The following ELFN2 variants were observed in gnomAD, a reference collection of about 807,000 sequenced individuals.
The protein encoded by ELFN2 is protein phosphatase 1 regulatory subunit 29.
A neutral mutation model predicts 45.5 loss-of-function variants in ELFN2; 17 were observed. The observed-to-expected ratio is 0.37, with a 90% CI of 0.26 to 0.56. The LOEUF (loss-of-function observed/expected upper bound fraction) is 0.56. Among genes scored for constraint, ELFN2 ranks in the 20% least tolerant of loss-of-function variants. ELFN2 has a pLI of 0.77. For synonymous variants in ELFN2, 550 were observed against 551.5 expected (o/e 1.00, Z 0.04); for missense variants, 922 against 1,183.2 (o/e 0.78, Z 3.24).
At chr22:37,406,294 G>A (rs1569141614) in intron 2 of ELFN2, among the ~76,000 whole-genome samples, 2 of 152,222 alleles carry the variant, frequency 1.3e-5, no homozygotes, top group South Asian at 2.1e-4. Context: ...AGTTACGATC[G>A]GTGATTGGAT....
downstream of ELFN2, among the ~76,000 whole-genome samples, chr22:37,366,287 A>G (rs1028944047): frequency 6.6e-6 from 1 of 152,230 alleles, no homozygotes; most frequent in Non-Finnish European, 1.5e-5. Flanking sequence ...TTGTAACATT[A>G]GGGAATAAAA....
At chr22:37,421,598 AGGGGCTCCTCTCT>A in intron 1 of ELFN2, among the ~76,000 whole-genome samples, 1 of 152,270 alleles carries the variant, frequency 6.6e-6, no homozygotes, top group Admixed American at 6.5e-5. Context: ...TCTGCCAGGC[AGGGGCTCCTCTCT>A]GGGGGTTCCT....
At chr22:37,412,277 C>CAAA (rs56073200) in intron 2 of ELFN2, among the ~76,000 whole-genome samples, 2 of 92,284 alleles carry the variant, frequency 2.2e-5, no homozygotes, top group Non-Finnish European at 4.3e-5. Context: ...AACTCCGTCT[C>CAAA]AAAAAAAAAA....
rs999715117 is a variant in ELFN2 at position 37,417,306 on chromosome 22, G to A, written c.-463+463C>T. Among the ~76,000 whole-genome samples the A allele has an allele frequency of 5.9e-5, 9 of 152,216 alleles. No homozygotes were observed. The highest frequency in any genetic ancestry group is 1.3e-4 in the Admixed American group (2 of 15,288). ...TCTGCTGGCGTTTTCCCCTGCTCCCGGCTCACTTCCAGCCTCTCTCTCTAC... is the reference window on the plus strand; with the variant it reads ...TCTGCTGGCGTTTTCCCCTGCTCCCAGCTCACTTCCAGCCTCTCTCTCTAC... On this transcript the variant is annotated intron_variant, in intron 2 of 2. Coordinates refer to ENST00000402918, the MANE Select transcript of ELFN2 (RefSeq NM_052906.5). This position sits in a 1 kb window ranked among gnomAD's most constrained non-coding sequence, Gnocchi z 4.5.
chr22:37,357,958 A>T (rs774061384), intron 1 of ELFN2, among the ~76,000 whole-genome samples: 1 of 152,060 alleles, frequency 6.6e-6, no homozygotes, highest in Non-Finnish European at 1.5e-5. Flanking sequence ...CCCACAGCCA[A>T]CCTTCTCTTT....
chr22:37,374,971 G>A lies in ELFN2; in HGVS notation c.564C>T (p.Asn188=). The A allele has an allele frequency of 6.2e-7, 1 of 1,613,372 alleles. No individual in the cohort carries two copies. The highest frequency in any genetic ancestry group is 8.5e-7 in the Non-Finnish European group (1 of 1,180,034). ...MVCELAGNPF[N]CECDLFGFLA... ...GGAAGCCGAAGAGGTCGCACTCACA[G>A]TTGAAGGGGTTGCCGGCCAGCTCAC... The change falls in exon 3 of 3, where the codon AAC becomes AAT. Residue 188 remains asparagine, a synonymous_variant. Transcript: ENST00000402918.
chr22:37,352,319 T>A (rs909443527), intron 1 of ELFN2: 4 of 150,846 alleles, frequency 2.7e-5, no homozygotes, highest in African/African-American at 2.4e-5. Context: ...ATCCCAGAGG[T>A]GACTCCAGCA....
chr22:37,364,556 G>A (rs111739498), downstream of ELFN2, among the ~76,000 whole-genome samples: 196 of 152,254 alleles, frequency 1.3e-3, 1 homozygote, highest in African/African-American at 4.5e-3. Flanking sequence ...AACTCCCATG[G>A]AGGCAGGAAG....
chr22:37,403,758 A>T (rs915213489), intron 2 of ELFN2, among the ~76,000 whole-genome samples: 1 of 152,258 alleles, frequency 6.6e-6, no homozygotes, highest in Non-Finnish European at 1.5e-5. Flanking sequence ...GGTCTCACAC[A>T]GCCAGCCATC....
In ELFN2 at chr22:37,372,809, G is replaced by A; in HGVS notation, c.*263C>T. ...CCCAGCAGAGTCCCTGGGCAGCACA[G>A]TAAAGACGACTGGTTTCGGTATCAG... On this transcript the variant is annotated 3_prime_UTR_variant, in exon 3 of 3. Transcript: ENST00000402918. The surrounding 1 kb of genome is among the most constrained non-coding windows in gnomAD (Gnocchi z 4.4). 1 of 408,796 alleles carries A rather than the reference G, an allele frequency of 2.4e-6. No homozygotes were observed. The highest frequency in any genetic ancestry group is 4.5e-6 in the Non-Finnish European group (1 of 224,506). The allele number at this position is 408,796 out of a possible 1,614,324, so 25.3% of individuals were successfully genotyped here. A position where few individuals can be genotyped will look rare whatever the true frequency, so the allele number is the denominator to read the frequency against.
At chr22:37,359,600 C>G (rs1931032112) in intron 1 of ELFN2, among the ~76,000 whole-genome samples, 1 of 152,240 alleles carries the variant, frequency 6.6e-6, no homozygotes. Context: ...GGCTTCCGTG[C>G]CTCGATACAG....
intron 2 of ELFN2, among the ~76,000 whole-genome samples, chr22:37,409,998 A>G (rs1932605812): frequency 6.6e-6 from 1 of 152,130 alleles, no homozygotes; most frequent in Non-Finnish European, 1.5e-5. Context: ...CCCAGGTATA[A>G]GGGGGTTTGT....
intron 2 of ELFN2, among the ~76,000 whole-genome samples, chr22:37,388,415 T>G (rs1932009166): frequency 6.6e-6 from 1 of 152,178 alleles, no homozygotes; most frequent in South Asian, 2.1e-4. Context: ...CTTCTCCTAG[T>G]AGGTGCTCAA....
intron 1 of ELFN2, among the ~76,000 whole-genome samples, chr22:37,347,361 A>G (rs142860908): frequency 9.9e-5 from 15 of 152,258 alleles, no homozygotes; most frequent in African/African-American, 3.4e-4. Flanking sequence ...GCAGGTATTC[A>G]TAGTCAGACA....
Position 37,375,150 on chromosome 22 carries a change from G to A in ELFN2, c.385C>T (p.Leu129=). 1 of 1,613,990 alleles carries A rather than the reference G, an allele frequency of 6.2e-7. No individual in the cohort carries two copies. The highest frequency in any genetic ancestry group is 8.5e-7 in the Non-Finnish European group (1 of 1,180,024). Residue 129 remains leucine, a synonymous_variant, in exon 3 of 3, where the codon CTG becomes TTG. Coordinates refer to ENST00000402918, the MANE Select transcript of ELFN2 (RefSeq NM_052906.5). ...TTGTGCTGGACAAAGAGGAACTGCA[G>A]GCGGCTCATGCCTCGCAGCATGCCC... ...TEGMLRGMSR[L]QFLFVQHNLI...
chr22:37,383,352 A>G (rs1000242199), intron 2 of ELFN2, among the ~76,000 whole-genome samples: 1 of 152,178 alleles, frequency 6.6e-6, no homozygotes, highest in Admixed American at 6.5e-5. Flanking sequence ...GTGCCCTCAC[A>G]AGGTCCACGG....
At chr22:37,377,395 C>T (rs897392671) in intron 2 of ELFN2, among the ~76,000 whole-genome samples, 1 of 152,212 alleles carries the variant, frequency 6.6e-6, no homozygotes, top group Non-Finnish European at 1.5e-5. Flanking sequence ...CACGTTTGGA[C>T]ACAGAAAGCC....
chr22:37,376,302 A>G (rs1569133354), intron 2 of ELFN2, among the ~76,000 whole-genome samples: 1 of 151,622 alleles, frequency 6.6e-6, no homozygotes, highest in African/African-American at 2.4e-5. Flanking sequence ...GCAGACACAC[A>G]CCCCCAGCAC....
Position 37,373,855 on chromosome 22 carries a change from G to C in ELFN2, c.1680C>G (p.Ala560=), listed in dbSNP as rs1451599446. 1.2e-6 allele frequency: 2 copies of C among 1,613,306 alleles called. No individual in the cohort carries two copies. Among genetic ancestry groups the C allele is most frequent in the Non-Finnish European group, 1.7e-6 (2 of 1,179,956 alleles). ...NCIDALKLDS[A]SFLGGGSSSG... ...TGCTGCTGCCGCCTCCCAGAAAAGAGGCCGAGTCCAGCTTGAGAGCATCGA... is the reference window on the plus strand; with the variant it reads ...TGCTGCTGCCGCCTCCCAGAAAAGACGCCGAGTCCAGCTTGAGAGCATCGA... Residue 560 remains alanine, a synonymous_variant, in exon 3 of 3, where the codon GCC becomes GCG. Transcript: ENST00000402918.
Sources: gnomAD v4.1 joint callset for allele counts (sites outside exome capture counted in the v4.1 genomes callset) on GRCh38, gnomAD v4.1.1 for gene constraint, Gnocchi (gnomAD v3.1) non-coding constraint, MANE v1.5 for transcripts, NCBI Gene and HGNC (gene_info 2026-07-23, HGNC 2026-07-21) for gene names.